CTSB: variants seen among roughly 807,000 people sequenced by gnomAD.
The protein encoded by CTSB is APP secretase.
In CTSB, 57 loss-of-function variants were observed where a neutral mutation model predicts 44.3. That is an observed-to-expected ratio of 1.29 (90% CI 1.04 to 1.60). The LOEUF (loss-of-function observed/expected upper bound fraction) is 1.60. Among genes scored for constraint, CTSB ranks in the 40% most tolerant of loss-of-function variants. The pLI is 0.00. For synonymous variants in CTSB, 320 were observed against 168.0 expected (o/e 1.91, Z -7.00); for missense variants, 768 against 443.0 (o/e 1.73, Z -6.59).
chr8:11,858,417 C>A (rs946814677), intron 1 of CTSB, among the ~76,000 whole-genome samples: 16 of 152,190 alleles, frequency 1.1e-4, no homozygotes, highest in Admixed American at 3.3e-4. Flanking sequence ...CCCTCAGCCT[C>A]CTAAGGAGCT....
chr8:11,846,747 G>C lies in CTSB; in HGVS notation c.793+305C>G, dbSNP rs141526573. 3.0e-3 allele frequency among the ~76,000 whole-genome samples: 461 copies of C among 152,354 alleles called. 2 individuals carry two copies. Among genetic ancestry groups the C allele is most frequent in the African/African-American group, 0.011 (440 of 41,586 alleles). ...GAGGGCAGGCGTGGCCAGCCACCAG[G>C]GAGGGGGGCGTTCCCACAGAGAACA... On this transcript the variant is annotated intron_variant, in intron 8 of 9. Transcript: ENST00000353047.
chr8:11,857,617 C>G (rs980509844), intron 1 of CTSB, among the ~76,000 whole-genome samples: 6 of 152,162 alleles, frequency 3.9e-5, no homozygotes, highest in African/African-American at 1.4e-4. Flanking sequence ...CAGTGGCTCT[C>G]AACTCCTGGA....
At position 11,845,043 on chromosome 8, in the gene CTSB, G is replaced by GT; in HGVS notation, c.*81dup. The GT allele has an allele frequency of 1.0e-6, 1 of 959,454 alleles. No individual in the cohort carries two copies. Among genetic ancestry groups the GT allele is most frequent in the Non-Finnish European group, 1.7e-6 (1 of 603,198 alleles). 59.4% of individuals were successfully genotyped at this position (959,454 alleles called of 1,614,324 possible). A position where few individuals can be genotyped will look rare whatever the true frequency, so the allele number is the denominator to read the frequency against. ...GTCCTTCAGACCCTGTCTGAAACTT[G>GT]TATCTTACGTGAACTTAAAGAATAA... On this transcript the variant is annotated 3_prime_UTR_variant, in exon 10 of 10. Coordinates refer to ENST00000353047, the MANE Select transcript of CTSB (RefSeq NM_001908.5).
At chr8:11,859,526 C>A (rs1282078565) in intron 1 of CTSB, among the ~76,000 whole-genome samples, 2 of 151,676 alleles carry the variant, frequency 1.3e-5, no homozygotes, top group African/African-American at 4.9e-5. Context: ...TTTGGGAGGT[C>A]AAGGCAGGCG....
intron 1 of CTSB, chr8:11,864,632 G>A (rs940199074): frequency 1.3e-5 from 2 of 152,186 alleles, no homozygotes; most frequent in African/African-American, 4.8e-5. Context: ...CGGACGATAA[G>A]GCTTGAAACT....
intron 1 of CTSB, among the ~76,000 whole-genome samples, chr8:11,866,599 C>T (rs1817186340): frequency 6.6e-6 from 1 of 152,220 alleles, no homozygotes; most frequent in African/African-American, 2.4e-5. Flanking sequence ...CAGTTCTTGG[C>T]CAGGCACCGT....
chr8:11,849,063 G>A lies in CTSB; in HGVS notation c.429C>T (p.Gly143=), dbSNP rs1420299949. 6.8e-6 allele frequency: 11 copies of A among 1,612,822 alleles called. No homozygotes were observed. Among genetic ancestry groups the A allele is most frequent in the Non-Finnish European group, 9.3e-6 (11 of 1,179,378 alleles). ...TGACTCACCCGTCCCCACACATGCT[G>A]CCACAGCATGTGAGCAGGTCCTCCG... ...VSAEDLLTCC[G]SMCGDGCNGG... Residue 143 remains glycine, a synonymous_variant, in exon 5 of 10, where the codon GGC becomes GGT. Transcript: ENST00000353047.
Position 11,847,871 on chromosome 8 carries a change from A to AAGCCCCAGCTGGGGGAGGC in CTSB, c.533-50_533-49insGCCTCCCCCAGCTGGGGCT, listed in dbSNP as rs3215434. ...GAGTCAACCTACAGCCCCCACGGAGAAGACCTGGGGCAAGGCAAGCCTCGT... is the reference window on the plus strand; with the variant it reads ...GAGTCAACCTACAGCCCCCACGGAGAAGCCCCAGCTGGGGGAGGCAGACCTGGGGCAAGGCAAGCCTCGT... On this transcript the variant is annotated intron_variant, in intron 6 of 9. Coordinates refer to ENST00000353047, the MANE Select transcript of CTSB (RefSeq NM_001908.5). 5 of 1,555,122 alleles carry AAGCCCCAGCTGGGGGAGGC rather than the reference A, an allele frequency of 3.2e-6. No individual in the cohort carries two copies. The African/African-American group carries it at 5.6e-5, about 17-fold the overall frequency.
At chr8:11,854,150 G>C (rs1354663492) in intron 1 of CTSB, among the ~76,000 whole-genome samples, 6 of 152,194 alleles carry the variant, frequency 3.9e-5, no homozygotes, top group Non-Finnish European at 2.9e-5. Context: ...TTTCCAGCTT[G>C]AACTCTGAGT....
chr8:11,867,067 G>C (rs879433766), intron 1 of CTSB, among the ~76,000 whole-genome samples: 8 of 152,184 alleles, frequency 5.3e-5, no homozygotes, highest in Non-Finnish European at 1.0e-4. Context: ...GCCTGCGCTA[G>C]GGTCCTTTTC....
chr8:11,850,301 C>T (rs1054232741), intron 4 of CTSB, among the ~76,000 whole-genome samples: 1 of 151,092 alleles, frequency 6.6e-6, no homozygotes, highest in Non-Finnish European at 1.5e-5. Context: ...TGCCTGTAGT[C>T]TTAGCTACTG....
rs1814478127 is a variant in CTSB, at chr8:11,850,926, T to C, written c.267A>G (p.Gln89=). The change falls in exon 4 of 10, where the codon CAA becomes CAG. Residue 89 remains glutamine, a synonymous_variant. Coordinates refer to ENST00000353047, the MANE Select transcript of CTSB (RefSeq NM_001908.5). ...KLPASFDARE[Q]WPQCPTIKEI... ...CTTTGATGGTGGGACACTGTGGCCA[T>C]TGTTCCCGTGCATCGAAGCTTGCAG... is the stretch of plus-strand genomic sequence containing the variant. The C allele has an allele frequency of 3.1e-6, 5 of 1,613,484 alleles. No individual in the cohort carries two copies. Among genetic ancestry groups the C allele is most frequent in the Non-Finnish European group, 4.2e-6 (5 of 1,179,686 alleles).
Position 11,847,119 on chromosome 8 carries a change from C to G in CTSB, c.726G>C (p.Glu242Asp), listed in dbSNP as rs772004203. 1 of 1,613,238 alleles carries G rather than the reference C, an allele frequency of 6.2e-7. No homozygotes were observed. The highest frequency in any genetic ancestry group is 2.2e-5 in the East Asian group (1 of 44,830). Residue 242 changes from glutamate (E) to aspartate (D), a missense_variant, in exon 8 of 10, where the codon GAG (glutamate) becomes GAC (aspartate). Physicochemically the swap from Glu to Asp is conservative, Grantham distance 45. Transcript: ENST00000353047. ...VSNSEKDIMA[E>D]IYKNGPVEGA... ...CCTCCACGGGGCCGTTTTTGTAGAT[C>G]TCGGCCATGATGTCCTTCTCGCTAT... is the stretch of plus-strand genomic sequence containing the variant.
chr8:11,853,219 C>T lies in CTSB; in HGVS notation c.126+110G>A, dbSNP rs189209963. ...GGGTCAGGGCCATTTTTCAACAGTC[C>T]AGGACAATGTTCTGTGGGCCACAGT... On this transcript the variant is annotated intron_variant, in intron 2 of 9. Transcript: ENST00000353047. 124 of 1,476,846 alleles carry T rather than the reference C, an allele frequency of 8.4e-5. 2 individuals carry two copies. In the Admixed American group the frequency reaches 1.5e-3, roughly 17 times the overall value. The allele number at this position is 1,476,846 out of a possible 1,614,324, so 91.5% of individuals were successfully genotyped here.
At chr8:11,845,316 G>A in intron 9 of CTSB, 94 bp from the exon 10 acceptor site, 1 of 954,866 alleles carries the variant, frequency 1.0e-6, no homozygotes, top group South Asian at 1.4e-5. Flanking sequence ...ACTCATCCCT[G>A]GCCACTCCTG....
Position 11,843,361 on chromosome 8 carries a change from G to A in CTSB, c.*1764C>T, listed in dbSNP as rs971954662. ...GGTTCCTAAATTCTGAGTCACATCA[G>A]AAGCCAAACTTGAATGCTTTTGGAA... is the stretch of plus-strand genomic sequence containing the variant. On this transcript the variant is annotated 3_prime_UTR_variant, in exon 10 of 10. Transcript: ENST00000353047. The A allele has an allele frequency of 6.6e-6, 1 of 152,174 alleles. No individual in the cohort carries two copies. Among genetic ancestry groups the A allele is most frequent in the Non-Finnish European group, 1.5e-5 (1 of 68,036 alleles). The allele number at this position is 152,174 out of a possible 1,614,324, so 9.4% of individuals were successfully genotyped here.
In CTSB at chr8:11,853,378, AG is replaced by A; in HGVS notation, c.76del (p.Leu26CysfsTer27). On this transcript the variant is annotated frameshift_variant, in exon 2 of 10. Coordinates refer to ENST00000353047, the MANE Select transcript of CTSB (RefSeq NM_001908.5). LOFTEE classifies it high-confidence loss of function. ...NARSRPSFHP[L>X]SDELVNYVNK... ...GACATAGTTGACCAGCTCATCCGACAGGGGATGGAAAGAGGGCCTGCTCCGG... is the reference window on the plus strand; with the variant it reads ...GACATAGTTGACCAGCTCATCCGACAGGGATGGAAAGAGGGCCTGCTCCGG... 1 of 1,612,350 alleles carries A rather than the reference AG, an allele frequency of 6.2e-7. No individual in the cohort carries two copies. Among genetic ancestry groups the A allele is most frequent in the Non-Finnish European group, 8.5e-7 (1 of 1,179,302 alleles).
At chr8:11,847,645 C>T in intron 7 of CTSB, 34 bp downstream of exon 7, 2 of 1,505,318 alleles carry the variant, frequency 1.3e-6, no homozygotes, top group Non-Finnish European at 1.8e-6. Flanking sequence ...CCCCAGCCTC[C>T]ACGTGCGCCG....
chr8:11,848,436 C>G (rs934983001), intron 5 of CTSB: 5 of 535,712 alleles, frequency 9.3e-6, no homozygotes, highest in African/African-American at 7.6e-5. Flanking sequence ...AGTGCCCTTC[C>G]GGGTAGAACA....
Sources: allele counts gnomAD v4.1 joint callset (sites outside exome capture counted in the v4.1 genomes callset), GRCh38; gene constraint gnomAD v4.1.1; transcripts MANE v1.5; gene names NCBI Gene and HGNC (gene_info 2026-07-23, HGNC 2026-07-21).